The following NDUFA8 variants were observed in gnomAD, a reference collection of about 807,000 sequenced individuals.
NDUFA8 encodes NADH dehydrogenase [ubiquinone] 1 alpha subcomplex subunit 8.
In NDUFA8, 16 loss-of-function variants were observed where a neutral mutation model predicts 20.9. The ratio of observed to expected loss-of-function variants is 0.77; its 90% confidence interval spans 0.52 to 1.16. The LOEUF (loss-of-function observed/expected upper bound fraction) is 1.16, where lower values mean the gene tolerates loss of function less well. Ranked by LOEUF, NDUFA8 falls within the 50% of genes most tolerant of loss-of-function variation. NDUFA8 has a pLI of 0.00. For missense variants in NDUFA8, 202 were observed against 216.4 expected (o/e 0.93, Z 0.42); for synonymous variants, 70 against 76.1 (o/e 0.92, Z 0.41).
intron 1 of NDUFA8, among the ~76,000 whole-genome samples, chr9:122,157,124 A>AT (rs1366805745): frequency 6.6e-6 from 1 of 152,108 alleles, no homozygotes; most frequent in Non-Finnish European, 1.5e-5. Context: ...GGGACTGACT[A>AT]TTTACTGTTC....
At chr9:122,133,913 TCCCCAC>T in the NDUFA8 span, among the ~76,000 whole-genome samples, 1 of 152,126 alleles carries the variant, frequency 6.6e-6, no homozygotes, top group African/African-American at 2.4e-5. Context: ...ACCCCATCCC[TCCCCAC>T]CTCCTGAGAC....
At chr9:122,145,432 G>C (rs964271853) in intron 3 of NDUFA8, among the ~76,000 whole-genome samples, 1 of 152,102 alleles carries the variant, frequency 6.6e-6, no homozygotes, top group African/African-American at 2.4e-5. Context: ...TAAAGAAATA[G>C]GCCCAGAGAA....
intron 3 of NDUFA8, among the ~76,000 whole-genome samples, chr9:122,146,101 G>A (rs1483942154): frequency 1.3e-5 from 2 of 152,154 alleles, no homozygotes; most frequent in Admixed American, 6.5e-5. Flanking sequence ...AGCAGAGATC[G>A]TGGCACTGTA....
intron 1 of NDUFA8, among the ~76,000 whole-genome samples, chr9:122,153,959 T>C (rs1315188963): frequency 6.6e-6 from 1 of 152,222 alleles, no homozygotes; most frequent in Non-Finnish European, 1.5e-5. Context: ...TTAGCATTCA[T>C]GTGCTAAGTC....
At chr9:122,149,899 G>T (rs998775353) in intron 2 of NDUFA8, among the ~76,000 whole-genome samples, 1 of 152,068 alleles carries the variant, frequency 6.6e-6, no homozygotes. Context: ...AGAGGTTGCA[G>T]CGAACAAAGA....
intron 1 of NDUFA8, among the ~76,000 whole-genome samples, chr9:122,155,590 TAA>T (rs1433525965): frequency 1.3e-5 from 2 of 152,244 alleles, no homozygotes; most frequent in Non-Finnish European, 2.9e-5. Context: ...TTAAAATCTG[TAA>T]AGTTTTCATA....
intron 2 of NDUFA8, among the ~76,000 whole-genome samples, chr9:122,151,562 A>T (rs1261932461): frequency 6.6e-6 from 1 of 152,220 alleles, no homozygotes; most frequent in Non-Finnish European, 1.5e-5. Context: ...AAATGAGGTC[A>T]ACAGAGAAAA....
the NDUFA8 span, among the ~76,000 whole-genome samples, chr9:122,135,983 A>G: frequency 2.3e-3 from 352 of 152,368 alleles, 2 homozygotes; most frequent in African/African-American, 8.1e-3. Flanking sequence ...TAAATAGAAC[A>G]GTAAACAAAT....
downstream of NDUFA8, among the ~76,000 whole-genome samples, chr9:122,143,057 A>G (rs1489183414): frequency 1.3e-5 from 2 of 152,248 alleles, no homozygotes; most frequent in Non-Finnish European, 2.9e-5. Flanking sequence ...CACCAGGTGC[A>G]GAAGCGGCCA....
rs769108368 is a variant in NDUFA8 at position 122,159,666 on chromosome 9, T to A, written c.12A>T (p.Ile4=). MPG[I]VELPTLEELK... ...GCTCCTCTAGAGTGGGCAGCTCCAC[T>A]ATCCCCGGCATGACGGCTGCAGCCC... Residue 4 remains isoleucine (I), a synonymous_variant, in exon 1 of 4, where the codon ATA becomes ATT. Transcript: ENST00000373768. The A allele has an allele frequency of 4.3e-6, 7 of 1,614,098 alleles. No individual in the cohort carries two copies. The highest frequency in any genetic ancestry group is 4.5e-5 in the East Asian group (2 of 44,868).
At chr9:122,142,845 T>C (rs1467276119), downstream of NDUFA8, among the ~76,000 whole-genome samples, 1 of 152,208 alleles carries the variant, frequency 6.6e-6, no homozygotes, top group African/African-American at 2.4e-5. Context: ...GCCATGCTCA[T>C]ACCTTACCCA....
In NDUFA8 at chr9:122,159,757, A is replaced by G. The variant is rs983179995; in HGVS notation, c.-80T>C. 5.0e-6 allele frequency: 8 copies of G among 1,591,324 alleles called. No homozygotes were observed. The African/African-American group carries it at 1.1e-4, about 21-fold the overall frequency. On this transcript the variant is annotated 5_prime_UTR_variant, in exon 1 of 4. Transcript: ENST00000373768. Reference sequence around the variant, plus strand: ...CCTTGAACTCCCCTTTCGACCGCCGAGTGCCACACGGCGCCTGCGCATGCG... The same window carrying G: ...CCTTGAACTCCCCTTTCGACCGCCGGGTGCCACACGGCGCCTGCGCATGCG...
downstream of NDUFA8, among the ~76,000 whole-genome samples, chr9:122,142,467 A>G (rs187775116): frequency 1.2e-3 from 185 of 152,316 alleles, 2 homozygotes; most frequent in Non-Finnish European, 1.3e-3. Context: ...GGATCCAAAC[A>G]TCAGGATTTA....
chr9:122,142,153 C>T (rs535154444), downstream of NDUFA8, among the ~76,000 whole-genome samples: 1 of 152,290 alleles, frequency 6.6e-6, no homozygotes, highest in East Asian at 1.9e-4. Context: ...CACCAAGAAA[C>T]AGCTTATTAG....
At chr9:122,135,465 C>T in the NDUFA8 span, among the ~76,000 whole-genome samples, 1 of 152,216 alleles carries the variant, frequency 6.6e-6, no homozygotes, top group African/African-American at 2.4e-5. Context: ...CGAGACACTT[C>T]ACTCTCCATA....
chr9:122,134,445 G>A, the NDUFA8 span, among the ~76,000 whole-genome samples: 163 of 152,258 alleles, frequency 1.1e-3, no homozygotes, highest in African/African-American at 3.6e-3. Flanking sequence ...TGAAGTCATC[G>A]TGAGAAATAT....
the NDUFA8 span, among the ~76,000 whole-genome samples, chr9:122,133,281 CCT>C: frequency 6.6e-6 from 1 of 152,134 alleles, no homozygotes; most frequent in Non-Finnish European, 1.5e-5. Context: ...ACCTGGAACT[CCT>C]CTCTCTCCTC....
chr9:122,152,387 G>A lies in NDUFA8; in HGVS notation c.73C>T (p.Leu25Phe), dbSNP rs149059299. The A allele has an allele frequency of 7.4e-6, 12 of 1,613,974 alleles. No individual in the cohort carries two copies. Among genetic ancestry groups the A allele is most frequent in the South Asian group, 1.1e-5 (1 of 91,078 alleles). Residue 25 changes from leucine (L) to phenylalanine (F), a missense_variant, in exon 2 of 4, where the codon CTT (leucine) becomes TTT (phenylalanine). Physicochemically the swap from Leu to Phe is conservative, Grantham distance 22. Coordinates refer to ENST00000373768, the MANE Select transcript of NDUFA8 (RefSeq NM_014222.3). ...CCATAGTGATGGGCCGCAGCTTTAA[G>A]CACAGCAGAACTAATTTTCACCTAG... ...VDEVKISSAV[L>F]KAAAHHYGAQ... is the part of the protein sequence containing the mutation.
At chr9:122,132,892 G>T in the NDUFA8 span, 6 of 455,946 alleles carry the variant, frequency 1.3e-5, no homozygotes, top group South Asian at 9.3e-5. Flanking sequence ...TGTTCTCCCA[G>T]CTCCACCAGG....
Sources: allele counts gnomAD v4.1 joint callset (sites outside exome capture counted in the v4.1 genomes callset), GRCh38; gene constraint gnomAD v4.1.1; transcripts MANE v1.5; gene names NCBI Gene and HGNC (gene_info 2026-07-23, HGNC 2026-07-21).